FILIP1L: variants seen among roughly 807,000 people sequenced by gnomAD.
FILIP1L encodes filamin A-interacting protein 1-like.
A neutral mutation model predicts 96.6 loss-of-function variants in FILIP1L; 55 were observed. The ratio of observed to expected loss-of-function variants is 0.57; its 90% confidence interval spans 0.46 to 0.71. The LOEUF (loss-of-function observed/expected upper bound fraction) is 0.71. Ranked by LOEUF, FILIP1L falls within the 30% of genes least tolerant of loss-of-function variation. FILIP1L has a pLI of 0.00. For missense variants in FILIP1L, 1,304 were observed against 1,321.2 expected, an observed-to-expected ratio of 0.99 and a Z score of 0.20; for synonymous variants, 467 against 473.9, an observed-to-expected ratio of 0.99 and a Z score of 0.19.
chr3:100,039,393 C>G (rs2107285014), intron 1 of FILIP1L, among the ~76,000 whole-genome samples: 1 of 152,120 alleles, frequency 6.6e-6, no homozygotes, highest in East Asian at 1.9e-4. Context: ...TTATATTTCA[C>G]AGTATGTAGT....
intron 1 of FILIP1L, among the ~76,000 whole-genome samples, chr3:100,015,033 A>G: frequency 6.7e-6 from 1 of 149,640 alleles, no homozygotes; most frequent in East Asian, 2.0e-4. Context: ...CAGGTTTTAC[A>G]TTTAAGGCTT....
intron 1 of FILIP1L, among the ~76,000 whole-genome samples, chr3:99,933,621 G>A (rs1325202192): frequency 6.6e-6 from 1 of 151,956 alleles, no homozygotes; most frequent in African/African-American, 2.4e-5. Context: ...TCCTTACTCT[G>A]GGCTATAGAA....
At chr3:100,034,902 G>A (rs536883363) in intron 1 of FILIP1L, among the ~76,000 whole-genome samples, 1 of 152,208 alleles carries the variant, frequency 6.6e-6, no homozygotes, top group South Asian at 2.1e-4. Flanking sequence ...CTCAATCACT[G>A]CAGTAGTCCA....
intron 1 of FILIP1L, among the ~76,000 whole-genome samples, chr3:100,026,915 C>T (rs1451847788): frequency 1.3e-5 from 2 of 152,126 alleles, no homozygotes; most frequent in Admixed American, 1.3e-4. Context: ...AAGATCCTCC[C>T]AATAACCCAT....
intron 1 of FILIP1L, among the ~76,000 whole-genome samples, chr3:99,977,591 A>C (rs765162315): frequency 6.6e-5 from 10 of 152,206 alleles, no homozygotes; most frequent in Admixed American, 2.6e-4. Flanking sequence ...CCATGAAATA[A>C]ATTTCAACAA....
At chr3:100,093,274 T>C (rs940466465) in intron 1 of FILIP1L, among the ~76,000 whole-genome samples, 3 of 152,112 alleles carry the variant, frequency 2.0e-5, no homozygotes, top group Non-Finnish European at 4.4e-5. Context: ...ATGTCTTCTG[T>C]AACTTTTTAG....
chr3:99,897,605 T>A (rs1203767833), intron 4 of FILIP1L, among the ~76,000 whole-genome samples: 9 of 152,096 alleles, frequency 5.9e-5, no homozygotes, highest in Admixed American at 5.9e-4. Context: ...TATGATGGAG[T>A]GCTGGGGTAT....
intron 1 of FILIP1L, among the ~76,000 whole-genome samples, chr3:100,080,888 A>G (rs957267938): frequency 6.6e-5 from 10 of 152,208 alleles, no homozygotes; most frequent in African/African-American, 2.2e-4. Flanking sequence ...TACCAAAGCA[A>G]TCCCTTTGAA....
At chr3:100,018,612 CA>C (rs913919974) in intron 1 of FILIP1L, among the ~76,000 whole-genome samples, 11 of 145,920 alleles carry the variant, frequency 7.5e-5, no homozygotes, top group African/African-American at 1.3e-4. Flanking sequence ...TAGTAGAAAA[CA>C]AAAAAAAATG....
chr3:99,983,464 GTATATATATA>G (rs1191587665), intron 1 of FILIP1L, among the ~76,000 whole-genome samples: 202 of 12,678 alleles, frequency 0.016, 6 homozygotes, highest in African/African-American at 0.037. Context: ...ATATATGTGT[GTATATATATA>G]TATATATATA....
intron 5 of FILIP1L, among the ~76,000 whole-genome samples, chr3:99,842,825 C>T (rs1192572355): frequency 1.3e-5 from 2 of 152,180 alleles, no homozygotes; most frequent in Non-Finnish European, 2.9e-5. Flanking sequence ...TTTGTAAGTG[C>T]TCCCATGTAA....
At chr3:100,082,387 C>G (rs2065945932) in intron 1 of FILIP1L, among the ~76,000 whole-genome samples, 1 of 152,136 alleles carries the variant, frequency 6.6e-6, no homozygotes, top group Non-Finnish European at 1.5e-5. Flanking sequence ...GGAGAGAGGT[C>G]AAAATTTTTT....
chr3:99,956,216 C>T (rs55874130), intron 1 of FILIP1L, among the ~76,000 whole-genome samples: 7,726 of 152,212 alleles, frequency 0.051, 294 homozygotes, highest in South Asian at 0.13. Context: ...TTCACAAACA[C>T]CTTCACCTTC....
At chr3:99,947,353 A>G (rs1385740580) in intron 1 of FILIP1L, among the ~76,000 whole-genome samples, 5 of 152,160 alleles carry the variant, frequency 3.3e-5, no homozygotes, top group African/African-American at 1.2e-4. Context: ...CTTCCATACC[A>G]TGATATTTGA....
intron 1 of FILIP1L, among the ~76,000 whole-genome samples, chr3:100,008,788 T>C (rs777241108): frequency 7.9e-5 from 12 of 152,220 alleles, no homozygotes; most frequent in Non-Finnish European, 1.3e-4. Flanking sequence ...GCCCTTGTAT[T>C]TTGCGTGCAG....
chr3:99,889,607 C>G (rs865788033), intron 4 of FILIP1L, among the ~76,000 whole-genome samples: 1 of 151,866 alleles, frequency 6.6e-6, no homozygotes, highest in Non-Finnish European at 1.5e-5. Flanking sequence ...TTTGATAATT[C>G]CATTTGTACC....
intron 4 of FILIP1L, among the ~76,000 whole-genome samples, chr3:99,881,576 A>G (rs1419841240): frequency 1.3e-5 from 2 of 150,518 alleles, no homozygotes; most frequent in East Asian, 2.0e-4. Flanking sequence ...TCTGTTGCCC[A>G]GATTGGAGTG....
chr3:99,851,148 T>C (rs1351890433), intron 4 of FILIP1L, 78 bp from the exon 5 acceptor site: 1 of 1,168,362 alleles, frequency 8.6e-7, no homozygotes, highest in Non-Finnish European at 1.2e-6. Context: ...ATATATGTAA[T>C]TTAGAAATTA....
intron 1 of FILIP1L, among the ~76,000 whole-genome samples, chr3:100,082,397 T>C (rs144810662): frequency 9.2e-4 from 140 of 152,344 alleles, no homozygotes; most frequent in African/African-American, 3.2e-3. Context: ...CAAAATTTTT[T>C]GTCATCACAG....
Sources: gnomAD v4.1 joint callset for allele counts (sites outside exome capture counted in the v4.1 genomes callset) on GRCh38, gnomAD v4.1.1 for gene constraint, MANE v1.5 for transcripts, NCBI Gene and HGNC (gene_info 2026-07-23, HGNC 2026-07-21) for gene names.